SPARCL1: variants seen among roughly 807,000 people sequenced by gnomAD.
SPARCL1 encodes the protein SPARC like 1.
In SPARCL1, 52 loss-of-function variants were observed where a neutral mutation model predicts 67.1. That is an observed-to-expected ratio of 0.78 (90% CI 0.62 to 0.98). The LOEUF (loss-of-function observed/expected upper bound fraction) is 0.98. Ranked by LOEUF, SPARCL1 falls within the 50% of genes least tolerant of loss-of-function variation. SPARCL1 has a pLI of 0.00. For missense variants in SPARCL1, 717 were observed against 782.4 expected, an observed-to-expected ratio of 0.92 and a Z score of 1.00; for synonymous variants, 226 against 267.8, an observed-to-expected ratio of 0.84 and a Z score of 1.52.
In SPARCL1 at chr4:87,493,957, T is replaced by C; in HGVS notation, c.843A>G (p.Ala281=). The part of the protein sequence containing the change: ...NSNAEMEEEN[A]SNVNKHIQET... ...CTTGAATGTGCTTATTGACGTTCGATGCATTTTCCTCTTCCATTTCTGCAT... is the reference window on the plus strand; with the variant it reads ...CTTGAATGTGCTTATTGACGTTCGACGCATTTTCCTCTTCCATTTCTGCAT... Residue 281 remains alanine (A), a synonymous_variant, in exon 4 of 11, where the codon GCA becomes GCG. Coordinates refer to ENST00000282470, the MANE Select transcript of SPARCL1 (RefSeq NM_004684.6). 6.2e-7 allele frequency: 1 copy of C among 1,614,196 alleles called. No individual in the cohort carries two copies. The highest frequency in any genetic ancestry group is 8.5e-7 in the Non-Finnish European group (1 of 1,180,018).
intron 10 of SPARCL1, among the ~76,000 whole-genome samples, chr4:87,474,867 C>T (rs1044189819): frequency 1.3e-5 from 2 of 151,818 alleles, no homozygotes; most frequent in Non-Finnish European, 1.5e-5. Context: ...CTCAGCCTCC[C>T]GAGTGGCTGG....
chr4:87,527,518 A>T (rs1726097940), intron 1 of SPARCL1, among the ~76,000 whole-genome samples: 1 of 152,106 alleles, frequency 6.6e-6, no homozygotes, highest in African/African-American at 2.4e-5. Flanking sequence ...GAAATAAATA[A>T]TGTTTTCAAG....
intron 10 of SPARCL1, among the ~76,000 whole-genome samples, chr4:87,474,944 G>A (rs557766968): frequency 3.3e-5 from 5 of 151,604 alleles, no homozygotes; most frequent in South Asian, 2.1e-4. Context: ...GGGTTTCACC[G>A]TGTTAGCCAA....
rs76455158 is a variant in SPARCL1 at position 87,521,485 on chromosome 4, T to C, written c.-12+7560A>G. 3.8e-3 allele frequency among the ~76,000 whole-genome samples: 586 copies of C among 152,308 alleles called. 2 individuals are homozygous for C. The highest frequency in any genetic ancestry group is 0.013 in the African/African-American group (552 of 41,564). On this transcript the variant is annotated intron_variant, in intron 1 of 10. Coordinates refer to ENST00000282470, the MANE Select transcript of SPARCL1 (RefSeq NM_004684.6). ...TGCTGGTAGTTATTGCTTCAAGTCT[T>C]TCTAATTGAATTTTCCTTGTGTTGC...
chr4:87,505,590 T>C (rs1725038923), intron 1 of SPARCL1, among the ~76,000 whole-genome samples: 1 of 152,160 alleles, frequency 6.6e-6, no homozygotes, highest in Non-Finnish European at 1.5e-5. Flanking sequence ...AGGGTCTTGC[T>C]CTGTTGCTCA....
intron 7 of SPARCL1, among the ~76,000 whole-genome samples, chr4:87,484,731 C>A (rs577120473): frequency 1.0e-3 from 155 of 151,834 alleles, no homozygotes; most frequent in Non-Finnish European, 1.7e-3. Flanking sequence ...TGTGTCCTCT[C>A]TTATTTCCTT....
intron 1 of SPARCL1, among the ~76,000 whole-genome samples, chr4:87,508,888 A>C (rs887273599): frequency 1.5e-5 from 1 of 67,038 alleles, no homozygotes; most frequent in East Asian, 3.6e-4. Context: ...CATGTATATA[A>C]GTATATATAT....
chr4:87,497,734 G>GTGTC (rs1724678661), intron 2 of SPARCL1, among the ~76,000 whole-genome samples: 2 of 152,178 alleles, frequency 1.3e-5, no homozygotes, highest in Admixed American at 1.3e-4. Flanking sequence ...AAATGCAAGT[G>GTGTC]TGTCATTCAA....
intron 1 of SPARCL1, among the ~76,000 whole-genome samples, chr4:87,527,630 C>A (rs1726103251): frequency 6.6e-6 from 1 of 152,084 alleles, no homozygotes; most frequent in Admixed American, 6.6e-5. Context: ...GGGATTAAAT[C>A]TCAAAAGACC....
chr4:87,498,388 A>G (rs917111194), intron 2 of SPARCL1, among the ~76,000 whole-genome samples: 1 of 152,220 alleles, frequency 6.6e-6, no homozygotes, highest in Non-Finnish European at 1.5e-5. Context: ...GACCTAGAGA[A>G]GAAGGGAGGA....
intron 5 of SPARCL1, among the ~76,000 whole-genome samples, chr4:87,491,093 T>C (rs1275020737): frequency 1.3e-5 from 2 of 152,246 alleles, no homozygotes; most frequent in African/African-American, 2.4e-5. Context: ...TTACTGATTA[T>C]TTTACATGAT....
At chr4:87,484,076 CTTTAG>C (rs1021017361) in intron 7 of SPARCL1, among the ~76,000 whole-genome samples, 3 of 152,130 alleles carry the variant, frequency 2.0e-5, no homozygotes, top group African/African-American at 7.2e-5. Context: ...TGCAGAAGCT[CTTTAG>C]TTTAATTAGA....
At chr4:87,478,783 G>A (rs1011934965) in intron 10 of SPARCL1, among the ~76,000 whole-genome samples, 6 of 152,068 alleles carry the variant, frequency 3.9e-5, no homozygotes, top group African/African-American at 1.4e-4. Context: ...TAAAATTCAA[G>A]CCTAACTTAA....
rs1397101402 is a variant in SPARCL1, at chr4:87,491,706, A to G, written c.1219-16T>C. On this transcript the variant is annotated splice_polypyrimidine_tract_variant and intron_variant, in intron 4 of 10. Transcript: ENST00000282470. ...CTTTCTTGGCCTTTAGAATAACAAGAGCAAAAGTTAAAATCTACTAAGAGG... is the reference window on the plus strand; with the variant it reads ...CTTTCTTGGCCTTTAGAATAACAAGGGCAAAAGTTAAAATCTACTAAGAGG... 25 of 1,589,044 alleles carry G rather than the reference A, an allele frequency of 1.6e-5. No homozygotes were observed. Among genetic ancestry groups the G allele is most frequent in the Non-Finnish European group, 2.0e-5 (23 of 1,157,840 alleles).
chr4:87,484,552 T>A lies in SPARCL1; in HGVS notation c.1532-1992A>T, dbSNP rs187843273. 1.1e-3 allele frequency among the ~76,000 whole-genome samples: 172 copies of A among 152,288 alleles called. 1 individual carries two copies. The highest frequency in any genetic ancestry group is 2.0e-3 in the Non-Finnish European group (137 of 68,006). ...GCTTTGTTGTTTTTGCTTAGGATTG[T>A]CTTGGATATATGGGCTCTTTTTTGG... On this transcript the variant is annotated intron_variant, in intron 7 of 10. Coordinates refer to ENST00000282470, the MANE Select transcript of SPARCL1 (RefSeq NM_004684.6).
intron 10 of SPARCL1, among the ~76,000 whole-genome samples, chr4:87,477,005 G>A (rs1184428092): frequency 6.6e-6 from 1 of 152,182 alleles, no homozygotes; most frequent in Non-Finnish European, 1.5e-5. Flanking sequence ...GGTTTATTAT[G>A]TGATAATTTT....
At chr4:87,493,224 C>T (rs962981146) in intron 4 of SPARCL1, among the ~76,000 whole-genome samples, 6 of 152,130 alleles carry the variant, frequency 3.9e-5, no homozygotes, top group Admixed American at 3.9e-4. Flanking sequence ...AAAGAAGTAC[C>T]CTAGCTCCTT....
At chr4:87,474,743 C>T (rs374114464) in intron 10 of SPARCL1, among the ~76,000 whole-genome samples, 27 of 130,732 alleles carry the variant, frequency 2.1e-4, no homozygotes, top group South Asian at 1.4e-3. Context: ...CTCTCTCTCT[C>T]TTTTTTTTTT....
chr4:87,507,115 A>G (rs1047357081), intron 1 of SPARCL1, among the ~76,000 whole-genome samples: 3 of 152,196 alleles, frequency 2.0e-5, no homozygotes, highest in Non-Finnish European at 1.5e-5. Flanking sequence ...CATTCTGGCC[A>G]CACATTTAGG....
Sources: allele counts gnomAD v4.1 joint callset (sites outside exome capture counted in the v4.1 genomes callset), GRCh38; gene constraint gnomAD v4.1.1; transcripts MANE v1.5; gene names NCBI Gene and HGNC (gene_info 2026-07-23, HGNC 2026-07-21).